The following PDE1A variants were observed in gnomAD, a reference collection of about 807,000 sequenced individuals.
PDE1A encodes phosphodiesterase 1A.
In PDE1A, 35 loss-of-function variants were observed where a neutral mutation model predicts 61.7. That is an observed-to-expected ratio of 0.57 (90% confidence interval 0.43 to 0.75). The LOEUF is 0.75. Ranked by LOEUF, PDE1A falls within the 30% of genes least tolerant of loss-of-function variation. PDE1A has a pLI of 0.00. For missense variants in PDE1A, 597 were observed against 630.6 expected, an observed-to-expected ratio of 0.95 and a Z score of 0.57; for synonymous variants, 232 against 213.2, an observed-to-expected ratio of 1.09 and a Z score of -0.77.
At chr2:182,344,195 A>T (rs528427423) in intron 1 of PDE1A, among the ~76,000 whole-genome samples, 1 of 152,140 alleles carries the variant, frequency 6.6e-6, no homozygotes, top group Non-Finnish European at 1.5e-5. Flanking sequence ...TTTTGAAGCC[A>T]TCACTGAAAT....
chr2:182,332,838 G>A (rs372691936), intron 1 of PDE1A, among the ~76,000 whole-genome samples: 33 of 152,110 alleles, frequency 2.2e-4, no homozygotes, highest in African/African-American at 7.5e-4. Flanking sequence ...ACCATTTCAC[G>A]TGGAAAGACA....
At chr2:182,525,552 C>T (rs1009366259), upstream of PDE1A, among the ~76,000 whole-genome samples, 3 of 152,086 alleles carry the variant, frequency 2.0e-5, no homozygotes, top group African/African-American at 2.4e-5. Flanking sequence ...AGTGGTTTAG[C>T]ACCATCCTCC....
chr2:182,400,062 T>A (rs978491205), intron 1 of PDE1A, among the ~76,000 whole-genome samples: 2 of 152,174 alleles, frequency 1.3e-5, no homozygotes, highest in Non-Finnish European at 2.9e-5. Flanking sequence ...AGTCTTTAAA[T>A]GAAATATTGT....
At chr2:182,335,789 C>G (rs184832829) in intron 1 of PDE1A, among the ~76,000 whole-genome samples, 4 of 152,270 alleles carry the variant, frequency 2.6e-5, no homozygotes, top group African/African-American at 9.6e-5. Context: ...AATTAAAGAG[C>G]TGCTGCATAG....
intron 2 of PDE1A, among the ~76,000 whole-genome samples, chr2:182,476,158 T>C (rs767293387): frequency 3.3e-5 from 5 of 151,918 alleles, no homozygotes; most frequent in South Asian, 2.1e-4. Flanking sequence ...ATGTTCTGTA[T>C]CCACAGGTTG....
At chr2:182,602,513 A>C in the PDE1A span, among the ~76,000 whole-genome samples, 610 of 152,378 alleles carry the variant, frequency 4.0e-3, 6 homozygotes, top group African/African-American at 0.014. Flanking sequence ...GAACAATAAT[A>C]AAATGATCGT....
intron 2 of PDE1A, among the ~76,000 whole-genome samples, chr2:182,449,085 C>CACAA (rs1435095714): frequency 7.4e-5 from 11 of 149,484 alleles, no homozygotes; most frequent in African/African-American, 2.7e-4. Flanking sequence ...CACACACACA[C>CACAA]AAACAAAACC....
the PDE1A span, among the ~76,000 whole-genome samples, chr2:182,572,548 A>G: frequency 6.6e-5 from 10 of 152,290 alleles, no homozygotes; most frequent in Non-Finnish European, 1.2e-4. Context: ...CTTCATTGTA[A>G]AACCTCTTGC....
At chr2:182,569,254 A>AATATATATATATATATAT in the PDE1A span, among the ~76,000 whole-genome samples, 158 of 138,574 alleles carry the variant, frequency 1.1e-3, 1 homozygote, top group Admixed American at 1.5e-3. Context: ...ACCTGTCTCA[A>AATATATATATATATATAT]ATATATATAT....
chr2:182,602,060 T>C, the PDE1A span, among the ~76,000 whole-genome samples: 1 of 152,234 alleles, frequency 6.6e-6, no homozygotes, highest in Non-Finnish European at 1.5e-5. Context: ...TGCCTCCTGC[T>C]GCCATTCATG....
chr2:182,271,415 C>T (rs1693016574), intron 1 of PDE1A, among the ~76,000 whole-genome samples: 1 of 151,980 alleles, frequency 6.6e-6, no homozygotes, highest in Non-Finnish European at 1.5e-5. Flanking sequence ...GAAAAAAACT[C>T]TTTTAAGTAC....
chr2:182,228,372 G>A (rs963820906), intron 6 of PDE1A, among the ~76,000 whole-genome samples: 4 of 152,076 alleles, frequency 2.6e-5, no homozygotes, highest in Admixed American at 1.3e-4. Context: ...ACAGTACTGG[G>A]CTGCTACTAG....
the PDE1A span, among the ~76,000 whole-genome samples, chr2:182,703,927 G>A: frequency 6.6e-6 from 1 of 152,028 alleles, no homozygotes; most frequent in African/African-American, 2.4e-5. Flanking sequence ...CTGGCCGGGC[G>A]TGATGGCTCA....
chr2:182,615,918 C>T, the PDE1A span, among the ~76,000 whole-genome samples: 1 of 152,188 alleles, frequency 6.6e-6, no homozygotes, highest in Non-Finnish European at 1.5e-5. Flanking sequence ...GCCCTCAAGA[C>T]CCAATCACCT....
intron 1 of PDE1A, among the ~76,000 whole-genome samples, chr2:182,266,559 C>A (rs773055702): frequency 6.6e-6 from 1 of 152,124 alleles, no homozygotes; most frequent in African/African-American, 2.4e-5. Flanking sequence ...CCTTCCTTTT[C>A]CCTGAAAAAC....
chr2:182,584,080 C>T, the PDE1A span, among the ~76,000 whole-genome samples: 2 of 152,222 alleles, frequency 1.3e-5, no homozygotes, highest in African/African-American at 4.8e-5. Flanking sequence ...AAAAAGGCAG[C>T]TCTAGAGATC....
At chr2:182,311,030 A>G (rs1197374159) in intron 1 of PDE1A, among the ~76,000 whole-genome samples, 1 of 152,096 alleles carries the variant, frequency 6.6e-6, no homozygotes, top group African/African-American at 2.4e-5. Flanking sequence ...CAAGACCTAC[A>G]CTCTCTAGGT....
At chr2:182,629,480 C>T in the PDE1A span, among the ~76,000 whole-genome samples, 2 of 152,154 alleles carry the variant, frequency 1.3e-5, no homozygotes, top group African/African-American at 2.4e-5. Flanking sequence ...ACAAAATACA[C>T]ATACACTTAT....
upstream of PDE1A, among the ~76,000 whole-genome samples, chr2:182,431,839 A>T (rs1353775505): frequency 6.6e-6 from 1 of 152,062 alleles, no homozygotes; most frequent in East Asian, 1.9e-4. Context: ...AAAAAGAAGA[A>T]ACAACTTACC....
Sources: gnomAD v4.1 joint callset for allele counts (sites outside exome capture counted in the v4.1 genomes callset) on GRCh38, gnomAD v4.1.1 for gene constraint, MANE v1.5 for transcripts, NCBI Gene and HGNC (gene_info 2026-07-23, HGNC 2026-07-21) for gene names.